The following ASB5 variants were observed in gnomAD, a reference collection of about 807,000 sequenced individuals.
ASB5 encodes the protein ankyrin repeat and SOCS box containing 5.
In ASB5, 45 loss-of-function variants were observed where a neutral mutation model predicts 42.1. The ratio of observed to expected loss-of-function variants is 1.07; its 90% confidence interval spans 0.84 to 1.37. ASB5 has a LOEUF of 1.37. Among genes scored for constraint, ASB5 ranks in the 40% most tolerant of loss-of-function variants. The pLI, the probability that ASB5 is intolerant of heterozygous loss-of-function variation, is 0.00. For synonymous variants in ASB5, 147 were observed against 150.6 expected, an observed-to-expected ratio of 0.98 and a Z score of 0.18; for missense variants, 402 against 399.8, an observed-to-expected ratio of 1.01 and a Z score of -0.05.
intron 5 of ASB5, among the ~76,000 whole-genome samples, chr4:176,217,918 C>T (rs1049745217): frequency 2.6e-5 from 4 of 151,710 alleles, no homozygotes; most frequent in African/African-American, 7.3e-5. Context: ...TAAAGTGTCC[C>T]TTTATGGCCC....
chr4:176,215,730 A>G lies in ASB5; in HGVS notation c.863-3T>C. ...TTGGTAAAGAGAGCTTGGGGTAGCT[A>G]CAAGAAGACATGAATCTATTTGTTA... On this transcript the variant is annotated splice_polypyrimidine_tract_variant and splice_region_variant and intron_variant, in intron 6 of 6. Coordinates refer to ENST00000296525, the MANE Select transcript of ASB5 (RefSeq NM_080874.4). The G allele has an allele frequency of 1.2e-6, 2 of 1,607,668 alleles. No homozygotes were observed. The highest frequency in any genetic ancestry group is 1.7e-6 in the Non-Finnish European group (2 of 1,177,192).
At chr4:176,241,076 T>C (rs1205899454) in intron 1 of ASB5, among the ~76,000 whole-genome samples, 1 of 152,236 alleles carries the variant, frequency 6.6e-6, no homozygotes, top group Non-Finnish European at 1.5e-5. Context: ...CCAATCTCAG[T>C]ATATAATTTC....
At chr4:176,237,430 G>T (rs1561259307) in intron 1 of ASB5, 2 of 985,784 alleles carry the variant, frequency 2.0e-6, no homozygotes, top group African/African-American at 3.5e-5. Context: ...TTTGGTTGAC[G>T]TTTTTTGTCT....
intron 6 of ASB5, 127 bp downstream of exon 6, chr4:176,216,691 C>T: frequency 1.2e-6 from 1 of 833,932 alleles, no homozygotes; most frequent in Non-Finnish European, 1.8e-6. Context: ...AAATCATCTA[C>T]TTTCACAAAT....
At chr4:176,247,319 T>C (rs1753931999) in intron 1 of ASB5, among the ~76,000 whole-genome samples, 1 of 152,166 alleles carries the variant, frequency 6.6e-6, no homozygotes, top group Non-Finnish European at 1.5e-5. Context: ...GCAACAAGTA[T>C]TGTGCGAACC....
intron 5 of ASB5, among the ~76,000 whole-genome samples, chr4:176,218,644 A>AAT (rs1261523796): frequency 0.1 from 3,950 of 38,958 alleles, 4 homozygotes; most frequent in Non-Finnish European, 0.11. Flanking sequence ...ATGATATATA[A>AAT]ATATATATAT....
At chr4:176,260,032 G>A (rs1361373621) in intron 1 of ASB5, among the ~76,000 whole-genome samples, 2 of 152,134 alleles carry the variant, frequency 1.3e-5, no homozygotes, top group African/African-American at 4.8e-5. Context: ...ATTCAGCTAT[G>A]ACTCATATTA....
At chr4:176,251,859 C>T (rs1416536596) in intron 1 of ASB5, among the ~76,000 whole-genome samples, 2 of 151,176 alleles carry the variant, frequency 1.3e-5, no homozygotes, top group African/African-American at 4.9e-5. Context: ...CCCAGGAGTT[C>T]GAGACCACCC....
chr4:176,260,617 T>C (rs912011183), intron 1 of ASB5, among the ~76,000 whole-genome samples: 3 of 152,208 alleles, frequency 2.0e-5, no homozygotes, highest in Admixed American at 6.5e-5. Context: ...AAAGAATAAA[T>C]GACTTGTTCC....
chr4:176,239,129 G>C (rs931280824), intron 1 of ASB5, among the ~76,000 whole-genome samples: 1 of 152,150 alleles, frequency 6.6e-6, no homozygotes, highest in Non-Finnish European at 1.5e-5. Flanking sequence ...CACATTCCTA[G>C]GTGAAGTTAG....
At chr4:176,246,294 C>A (rs375154926) in intron 1 of ASB5, among the ~76,000 whole-genome samples, 1 of 152,050 alleles carries the variant, frequency 6.6e-6, no homozygotes, top group Admixed American at 6.6e-5. Flanking sequence ...TGATGCTATT[C>A]GATGAGATTT....
chr4:176,254,289 G>A (rs188391977), intron 1 of ASB5, among the ~76,000 whole-genome samples: 13 of 152,186 alleles, frequency 8.5e-5, no homozygotes, highest in Non-Finnish European at 4.4e-5. Context: ...CTTCAACAAA[G>A]TTGACAAAAA....
At position 176,276,043 on chromosome 4, in the gene ASB5, C is replaced by T. The variant is rs534697122; in HGVS notation, c.-200-137G>A. Reference sequence around the variant, plus strand: ...AAATATCTTACCCAGTGTAGTAAAACATAAACTAAGTTCAAGTATTGCCTC... The same window carrying T: ...AAATATCTTACCCAGTGTAGTAAAATATAAACTAAGTTCAAGTATTGCCTC... On this transcript the variant is annotated intron_variant, in intron 1 of 2. Transcript: ENST00000505299. 10 of 152,260 alleles carry T rather than the reference C, an allele frequency of 6.6e-5. No individual in the cohort carries two copies. The South Asian group carries it at 2.1e-3, about 32-fold the overall frequency. The allele number at this position is 152,260 out of a possible 1,614,324, so 9.4% of individuals were successfully genotyped here. A position where few individuals can be genotyped will look rare whatever the true frequency, so the allele number is the denominator to read the frequency against.
chr4:176,275,911 G>GTA lies in ASB5; in HGVS notation c.-200-7_-200-6dup, dbSNP rs1359330513. On this transcript the variant is annotated splice_region_variant and splice_polypyrimidine_tract_variant and intron_variant, in intron 1 of 2. Transcript: ENST00000505299. ...AGGTAGAATTTATTCTTCCACCTGT[G>GTA]TATAGAAGACAGAAAATGAGCTGGG... The GTA allele has an allele frequency of 2.6e-5, 4 of 152,236 alleles. No individual in the cohort carries two copies. The East Asian group carries it at 7.7e-4, about 29-fold the overall frequency. 9.4% of individuals were successfully genotyped at this position (152,236 alleles called of 1,614,324 possible). A position where few individuals can be genotyped will look rare whatever the true frequency, so the allele number is the denominator to read the frequency against.
intron 1 of ASB5, among the ~76,000 whole-genome samples, chr4:176,235,357 C>T (rs925028613): frequency 4.6e-5 from 7 of 152,106 alleles, no homozygotes; most frequent in Admixed American, 2.0e-4. Context: ...CCATTATAAA[C>T]ATTTTAGGGT....
intron 5 of ASB5, among the ~76,000 whole-genome samples, chr4:176,217,819 G>T (rs1753015465): frequency 6.6e-6 from 1 of 151,958 alleles, no homozygotes; most frequent in Admixed American, 6.6e-5. Flanking sequence ...TACCAGAAAT[G>T]TCTACCAATA....
chr4:176,272,000 A>G (rs1241059829), upstream of ASB5, among the ~76,000 whole-genome samples: 1 of 152,146 alleles, frequency 6.6e-6, no homozygotes, highest in Admixed American at 6.6e-5. Flanking sequence ...CACACAGAAG[A>G]GATCATACAA....
At chr4:176,224,221 ATTTTTTTT>A (rs869080360) in intron 2 of ASB5, among the ~76,000 whole-genome samples, 3 of 87,232 alleles carry the variant, frequency 3.4e-5, no homozygotes, top group Non-Finnish European at 6.0e-5. Flanking sequence ...TGTGCATTTG[ATTTTTTTT>A]TTTTTTTTTT....
chr4:176,252,366 G>T (rs1451555914), intron 1 of ASB5, among the ~76,000 whole-genome samples: 1 of 152,222 alleles, frequency 6.6e-6, no homozygotes, highest in Non-Finnish European at 1.5e-5. Flanking sequence ...GGGACAGTTA[G>T]AACAGGTACC....
Sources: gnomAD v4.1 joint callset for allele counts (sites outside exome capture counted in the v4.1 genomes callset) on GRCh38, gnomAD v4.1.1 for gene constraint, MANE v1.5 for transcripts, NCBI Gene and HGNC (gene_info 2026-07-23, HGNC 2026-07-21) for gene names.